Variants in UVRAG observed in about 807,000 individuals in gnomAD.
The protein encoded by UVRAG is UV radiation resistance-associated gene protein.
UVRAG carries 19 observed loss-of-function variants against 78.0 expected under a neutral mutation model. The observed-to-expected ratio is 0.24, with a 90% CI of 0.17 to 0.36. UVRAG has a LOEUF of 0.36. UVRAG is among the 10% of genes least tolerant of loss of function. The probability of loss-of-function intolerance (pLI) is 1.00; values close to 1 mark genes in which losing one functional copy is unlikely to be tolerated. For missense variants in UVRAG, 740 were observed against 853.8 expected (o/e 0.87, Z 1.66); for synonymous variants, 323 against 324.6 (o/e 1.00, Z 0.05).
At chr11:75,976,185 G>A (rs1186037612) in intron 7 of UVRAG, among the ~76,000 whole-genome samples, 2 of 152,134 alleles carry the variant, frequency 1.3e-5, no homozygotes, top group African/African-American at 4.8e-5. Flanking sequence ...ATTTGCATAT[G>A]TTGAACCAGC....
chr11:75,892,260 G>T (rs943463811), intron 5 of UVRAG: 2 of 893,724 alleles, frequency 2.2e-6, no homozygotes, highest in Non-Finnish European at 1.3e-6. Flanking sequence ...CCAGCCATCA[G>T]ATCAGTCATC....
chr11:75,962,353 A>G (rs1383097139), intron 7 of UVRAG, among the ~76,000 whole-genome samples: 2 of 152,120 alleles, frequency 1.3e-5, no homozygotes, highest in East Asian at 1.9e-4. Context: ...TATATCCCCA[A>G]ATGAAAGCTT....
intron 7 of UVRAG, among the ~76,000 whole-genome samples, chr11:75,976,784 G>A (rs1949251722): frequency 6.6e-6 from 1 of 152,032 alleles, no homozygotes; most frequent in African/African-American, 2.4e-5. Flanking sequence ...CTTGCTAGCG[G>A]TCTGTCAATT....
intron 14 of UVRAG, among the ~76,000 whole-genome samples, chr11:76,126,318 A>G (rs1436932778): frequency 6.6e-6 from 1 of 152,222 alleles, no homozygotes; most frequent in Non-Finnish European, 1.5e-5. Flanking sequence ...ATTCAAATAA[A>G]ATCCAAGTTA....
At chr11:75,987,679 G>A (rs902009026) in intron 8 of UVRAG, among the ~76,000 whole-genome samples, 1 of 150,794 alleles carries the variant, frequency 6.6e-6, no homozygotes, top group Non-Finnish European at 1.5e-5. Flanking sequence ...CATTTTTGTA[G>A]TTCTTATTTT....
chr11:76,032,892 A>G (rs1950461764), intron 12 of UVRAG, among the ~76,000 whole-genome samples: 2 of 152,228 alleles, frequency 1.3e-5, no homozygotes, highest in African/African-American at 4.8e-5. Context: ...TGAGACATGT[A>G]TAAGAGAAGA....
At chr11:76,102,414 G>C (rs1008349729) in intron 13 of UVRAG, among the ~76,000 whole-genome samples, 3 of 152,142 alleles carry the variant, frequency 2.0e-5, no homozygotes, top group Non-Finnish European at 4.4e-5. Flanking sequence ...TTTGTACGCT[G>C]ATTTTGTACC....
At chr11:76,031,710 C>CTT (rs1226710002) in intron 12 of UVRAG, among the ~76,000 whole-genome samples, 1 of 152,130 alleles carries the variant, frequency 6.6e-6, no homozygotes, top group Non-Finnish European at 1.5e-5. Flanking sequence ...CAGTGTAATG[C>CTT]TTGCAGGGGC....
At chr11:76,097,390 T>A (rs1270988115) in intron 13 of UVRAG, among the ~76,000 whole-genome samples, 1 of 152,190 alleles carries the variant, frequency 6.6e-6, no homozygotes, top group Non-Finnish European at 1.5e-5. Context: ...TGCAGTTTCC[T>A]CTCTCTGGAA....
chr11:75,840,518 G>T (rs904596931), intron 1 of UVRAG, among the ~76,000 whole-genome samples: 4 of 152,174 alleles, frequency 2.6e-5, no homozygotes, highest in African/African-American at 4.8e-5. Context: ...AAAGTTCAGA[G>T]TCGCAGTTTG....
chr11:76,031,217 C>A (rs1255319861), intron 12 of UVRAG, among the ~76,000 whole-genome samples: 1 of 152,140 alleles, frequency 6.6e-6, no homozygotes, highest in African/African-American at 2.4e-5. Flanking sequence ...TAATCCAAGG[C>A]ACAGGCATCA....
At position 75,815,220 on chromosome 11, in the gene UVRAG, C is replaced by T; in HGVS notation, c.-188C>T. On this transcript the variant is annotated 5_prime_UTR_variant, in exon 1 of 15. Coordinates refer to ENST00000356136, the MANE Select transcript of UVRAG (RefSeq NM_003369.4). ...GAGGGGTTGCACTGCGGTAATATGG[C>T]TCTTCCTTAGCCAGCGGCGGCAACG... 5 of 438,138 alleles carry T rather than the reference C, an allele frequency of 1.1e-5. No individual in the cohort carries two copies. The highest frequency in any genetic ancestry group is 1.0e-4 in the South Asian group (2 of 19,228). 27.1% of individuals were successfully genotyped at this position (438,138 alleles called of 1,614,324 possible). A position where few individuals can be genotyped will look rare whatever the true frequency, so the allele number is the denominator to read the frequency against.
intron 13 of UVRAG, among the ~76,000 whole-genome samples, chr11:76,088,396 C>T (rs1186675766): frequency 6.6e-6 from 1 of 152,042 alleles, no homozygotes; most frequent in African/African-American, 2.4e-5. Flanking sequence ...GTTATGTCCA[C>T]CCCTGCTTAA....
At chr11:76,065,377 A>T (rs1335562285) in intron 12 of UVRAG, among the ~76,000 whole-genome samples, 1 of 152,130 alleles carries the variant, frequency 6.6e-6, no homozygotes, top group East Asian at 1.9e-4. Flanking sequence ...AGAGGGAAAA[A>T]TTTCTGGTAT....
chr11:75,867,019 A>G (rs1181987742), intron 3 of UVRAG, among the ~76,000 whole-genome samples: 1 of 152,164 alleles, frequency 6.6e-6, no homozygotes, highest in African/African-American at 2.4e-5. Context: ...AAGGAATCCT[A>G]TTAGCAATAA....
At chr11:76,035,270 G>A (rs1429216927) in intron 12 of UVRAG, among the ~76,000 whole-genome samples, 3 of 152,082 alleles carry the variant, frequency 2.0e-5, no homozygotes, top group African/African-American at 7.2e-5. Context: ...ATTATATTCT[G>A]GTTTCTGTAT....
At chr11:75,919,036 C>T (rs969203984) in intron 6 of UVRAG, among the ~76,000 whole-genome samples, 2 of 152,178 alleles carry the variant, frequency 1.3e-5, no homozygotes, top group African/African-American at 4.8e-5. Context: ...GCAAATTCCC[C>T]TCCCCGCACT....
At chr11:75,949,692 CAT>C (rs35234096) in intron 6 of UVRAG, among the ~76,000 whole-genome samples, 15,120 of 139,856 alleles carry the variant, frequency 0.11, 903 homozygotes, top group African/African-American at 0.18. Flanking sequence ...CAATAAAATA[CAT>C]ATATATATAT....
rs1952740423 is a variant in UVRAG at position 76,142,495 on chromosome 11, C to T, written c.*1082C>T. 1 of 152,620 alleles carries T rather than the reference C, an allele frequency of 6.6e-6. No homozygotes were observed. The highest frequency in any genetic ancestry group is 2.4e-5 in the African/African-American group (1 of 41,448). 9.5% of individuals were successfully genotyped at this position (152,620 alleles called of 1,614,324 possible). A position where few individuals can be genotyped will look rare whatever the true frequency, so the allele number is the denominator to read the frequency against. ...ATTTCATGAATATTAAATTATGTTT[C>T]GAAGTCCAGTTGTCATTCCCGCATT... On this transcript the variant is annotated 3_prime_UTR_variant, in exon 15 of 15. Coordinates refer to ENST00000356136, the MANE Select transcript of UVRAG (RefSeq NM_003369.4).
Sources: allele counts gnomAD v4.1 joint callset (sites outside exome capture counted in the v4.1 genomes callset), GRCh38; gene constraint gnomAD v4.1.1; transcripts MANE v1.5; gene names NCBI Gene and HGNC (gene_info 2026-07-23, HGNC 2026-07-21).